ATR: variants seen among roughly 807,000 people sequenced by gnomAD.
ATR encodes the protein ATR checkpoint kinase, also known as serine/threonine-protein kinase ATR.
Under a neutral mutation model 305.3 loss-of-function variants are expected in ATR, and 142 were observed. The observed-to-expected ratio is 0.47, with a 90% confidence interval of 0.41 to 0.53. The LOEUF (loss-of-function observed/expected upper bound fraction) is 0.53, where lower values mean the gene tolerates loss of function less well. ATR is among the 20% of genes least tolerant of loss of function. The pLI, the probability that ATR is intolerant of heterozygous loss-of-function variation, is 0.00. For synonymous variants in ATR, 1,050 were observed against 1,068.1 expected (o/e 0.98, Z 0.33); for missense variants, 2,135 against 3,133.1 (o/e 0.68, Z 7.60).
intron 21 of ATR, 75 bp downstream of exon 21, chr3:142,535,005 G>A (rs2108423703): frequency 2.7e-6 from 4 of 1,465,732 alleles, no homozygotes; most frequent in Non-Finnish European, 3.7e-6. Flanking sequence ...AAACAAAAAT[G>A]TCATTTTGTC....
chr3:142,512,487 T>G lies in ATR; in HGVS notation c.4642-17A>C, dbSNP rs1423391341. ...TGCATAAACCTATGAGAATCATTTA[T>G]AATTAATAATAATATCTATATAATA... On this transcript the variant is annotated splice_polypyrimidine_tract_variant and intron_variant, in intron 26 of 46. Coordinates refer to ENST00000350721, the MANE Select transcript of ATR (RefSeq NM_001184.4). 1.3e-6 allele frequency: 2 copies of G among 1,524,540 alleles called. No individual in the cohort carries two copies. Among genetic ancestry groups the G allele is most frequent in the Non-Finnish European group, 1.8e-6 (2 of 1,109,720 alleles). 94.4% of individuals were successfully genotyped at this position (1,524,540 alleles called of 1,614,324 possible).
At chr3:142,575,609 C>T (rs1265171982) in intron 1 of ATR, among the ~76,000 whole-genome samples, 1 of 152,218 alleles carries the variant, frequency 6.6e-6, no homozygotes, top group African/African-American at 2.4e-5. Context: ...AGAACCTCCT[C>T]CACATCCCAC....
chr3:142,568,600 C>G (rs1483688003), intron 1 of ATR, among the ~76,000 whole-genome samples: 2 of 152,222 alleles, frequency 1.3e-5, no homozygotes, highest in African/African-American at 4.8e-5. Context: ...TTCCGAGTTG[C>G]AGGGTCGGGA....
chr3:142,531,923 TC>T (rs2033666896), intron 21 of ATR, among the ~76,000 whole-genome samples: 1 of 152,242 alleles, frequency 6.6e-6, no homozygotes, highest in African/African-American at 2.4e-5. Flanking sequence ...ACCTGTTGTT[TC>T]CTGACTTTTT....
At chr3:142,463,853 A>G (rs982340235) in intron 41 of ATR, among the ~76,000 whole-genome samples, 1 of 152,178 alleles carries the variant, frequency 6.6e-6, no homozygotes, top group Non-Finnish European at 1.5e-5. Flanking sequence ...CTAAAGATCT[A>G]TGACTTTAAA....
intron 36 of ATR, among the ~76,000 whole-genome samples, chr3:142,473,391 C>G (rs1313049257): frequency 6.6e-6 from 1 of 152,142 alleles, no homozygotes; most frequent in African/African-American, 2.4e-5. Context: ...GCACCTTTGT[C>G]AAAGATCAAT....
At chr3:142,460,878 A>G (rs918870226) in intron 42 of ATR, among the ~76,000 whole-genome samples, 1 of 152,178 alleles carries the variant, frequency 6.6e-6, no homozygotes, top group African/African-American at 2.4e-5. Context: ...CTTAATGTTC[A>G]TATCTTGCGT....
At position 142,560,251 on chromosome 3, in the gene ATR, A is replaced by AT. The variant is rs769083780; in HGVS notation, c.1541+11_1541+12insA. The AT allele has an allele frequency of 1.1e-4, 174 of 1,611,258 alleles. No individual in the cohort carries two copies. Among genetic ancestry groups the AT allele is most frequent in the Non-Finnish European group, 1.4e-4 (164 of 1,177,602 alleles). On this transcript the variant is annotated intron_variant, in intron 6 of 46. Transcript: ENST00000350721. The stretch of plus-strand genomic sequence containing the variant: ...GGAAACCCAACCCCAAGAAACAAGA[A>AT]GTTTGTTTTACCAGTTCATGTTTTG...
chr3:142,451,918 TA>T, intron 46 of ATR: 3 of 1,283,650 alleles, frequency 2.3e-6, no homozygotes, highest in South Asian at 1.3e-5. Context: ...AATCCCTCAG[TA>T]AAAGGTATCC....
intron 21 of ATR, among the ~76,000 whole-genome samples, chr3:142,524,572 C>T (rs957936190): frequency 5.9e-5 from 9 of 152,034 alleles, no homozygotes; most frequent in Middle Eastern, 3.4e-3. Flanking sequence ...TATACTTGTA[C>T]GGCAAAGAAG....
At chr3:142,466,627 C>A in intron 39 of ATR, 94 bp from the exon 40 acceptor site, 1 of 1,205,502 alleles carries the variant, frequency 8.3e-7, no homozygotes, top group East Asian at 2.6e-5. Context: ...TACAAAGGTT[C>A]AGCAGTCTGT....
At chr3:142,476,661 T>C (rs1003985811) in intron 36 of ATR, among the ~76,000 whole-genome samples, 2 of 152,178 alleles carry the variant, frequency 1.3e-5, no homozygotes, top group Non-Finnish European at 2.9e-5. Flanking sequence ...GGGGATGGCA[T>C]TGAATCTATA....
intron 36 of ATR, among the ~76,000 whole-genome samples, chr3:142,477,097 G>T (rs1362333354): frequency 6.6e-6 from 1 of 152,126 alleles, no homozygotes; most frequent in East Asian, 1.9e-4. Flanking sequence ...TCTTTCTCCT[G>T]CCTGATTGCC....
intron 28 of ATR, among the ~76,000 whole-genome samples, chr3:142,505,773 C>A (rs2032204247): frequency 6.6e-6 from 1 of 152,036 alleles, no homozygotes; most frequent in African/African-American, 2.4e-5. Flanking sequence ...TCAGTTAGCA[C>A]AAAGACAGTC....
chr3:142,473,457 C>A (rs1049233624), intron 36 of ATR, among the ~76,000 whole-genome samples: 2 of 151,954 alleles, frequency 1.3e-5, no homozygotes, highest in Non-Finnish European at 2.9e-5. Flanking sequence ...GTCTATGTAG[C>A]CATTTTAATA....
intron 30 of ATR, among the ~76,000 whole-genome samples, chr3:142,500,947 G>A (rs964356230): frequency 6.6e-6 from 1 of 152,132 alleles, no homozygotes; most frequent in Non-Finnish European, 1.5e-5. Context: ...GTCACACGAA[G>A]ACTTATAGCA....
chr3:142,497,024 G>T lies in ATR; in HGVS notation c.5727C>A (p.Ser1909Arg), dbSNP rs754812951. 1 of 1,612,448 alleles carries T rather than the reference G, an allele frequency of 6.2e-7. No homozygotes were observed. Among genetic ancestry groups the T allele is most frequent in the South Asian group, 1.1e-5 (1 of 90,846 alleles). The stretch of plus-strand genomic sequence containing the variant: ...GTAGTGTGAGAAACCTTTTGTTGAG[G>T]CTTAGTAAAGCCCTCCGGAGAGCCA... ...PILALRRALL[S>R]LNKRPDYNEM... Residue 1909 changes from serine (S) to arginine (R), a missense_variant, in exon 33 of 47, where the codon AGC (serine) becomes AGA (arginine). By Grantham distance (110) the Ser-to-Arg change is moderately radical. This residue lies in a region of ATR where 30 missense variants were observed against 26.7 expected (regional missense o/e 1.12). Coordinates refer to ENST00000350721, the MANE Select transcript of ATR (RefSeq NM_001184.4).
intron 38 of ATR, 143 bp from the exon 39 acceptor site, chr3:142,468,211 A>G: frequency 1.0e-6 from 1 of 985,674 alleles, no homozygotes; most frequent in South Asian, 1.6e-5. Context: ...TTATTTGGCA[A>G]TGCTATCAAG....
Position 142,465,205 on chromosome 3 carries a change from C to A in ATR, c.6933G>T (p.Lys2311Asn), listed in dbSNP as rs867762295. 1 of 1,610,556 alleles carries A rather than the reference C, an allele frequency of 6.2e-7. No individual in the cohort carries two copies. Among genetic ancestry groups the A allele is most frequent in the Non-Finnish European group, 8.5e-7 (1 of 1,177,908 alleles). ...EILASLQKPK[K>N]ISLKGSDGKF... ...TTCCATCTGAGCCTTTTAAAGAAAT[C>A]TTCTTTGGTTTCTGAAGAGAAGCAA... Residue 2311 changes from lysine (K) to asparagine (N), a missense_variant, in exon 41 of 47, where the codon AAG (lysine) becomes AAT (asparagine). By Grantham distance (94) the Lys-to-Asn change is moderately conservative. This residue lies in a region of ATR where 462 missense variants were observed against 887.6 expected (regional missense o/e 0.52). Coordinates refer to ENST00000350721, the MANE Select transcript of ATR (RefSeq NM_001184.4).
Sources: allele counts gnomAD v4.1 joint callset (sites outside exome capture counted in the v4.1 genomes callset), GRCh38; gene constraint gnomAD v4.1.1; regional missense constraint gnomAD v4.1.1; transcripts MANE v1.5; gene names NCBI Gene and HGNC (gene_info 2026-07-23, HGNC 2026-07-21).